The following NETO1 variants were observed in gnomAD, a reference collection of about 807,000 sequenced individuals.
NETO1 encodes neuropilin and tolloid like 1.
In NETO1, 26 loss-of-function variants were observed where a neutral mutation model predicts 61.3. That is an observed-to-expected ratio of 0.42 (90% CI 0.31 to 0.59). NETO1 has a LOEUF of 0.59. Ranked by LOEUF, NETO1 falls within the 20% of genes least tolerant of loss-of-function variation. The pLI, the probability that NETO1 is intolerant of heterozygous loss-of-function variation, is 0.12. For synonymous variants in NETO1, 225 were observed against 225.8 expected, an observed-to-expected ratio of 1.00 and a Z score of 0.03; for missense variants, 531 against 662.8, an observed-to-expected ratio of 0.80 and a Z score of 2.18.
chr18:72,750,524 G>A lies in NETO1; in HGVS notation c.1079C>T (p.Ser360Phe). 1 of 1,614,032 alleles carries A rather than the reference G, an allele frequency of 6.2e-7. No homozygotes were observed. Among genetic ancestry groups the A allele is most frequent in the Non-Finnish European group, 8.5e-7 (1 of 1,179,984 alleles). Residue 360 changes from serine (S) to phenylalanine (F), a missense_variant, in exon 9 of 11, where the codon TCT becomes TTT. By Grantham distance (155) the Ser-to-Phe change is radical. Coordinates refer to ENST00000327305, the MANE Select transcript of NETO1 (RefSeq NM_138966.5). Reference sequence around the variant, plus strand: ...AGGCTGTTTGATCTGTACGATGACAGAGATGATAATGAGGATGATCACGAT... The same window carrying A: ...AGGCTGTTTGATCTGTACGATGACAAAGATGATAATGAGGATGATCACGAT... ...SCIVIILIII[S>F]VIVQIKQPRK...
intron 3 of NETO1, among the ~76,000 whole-genome samples, chr18:72,860,306 C>G (rs1321980630): frequency 6.6e-6 from 1 of 152,174 alleles, no homozygotes; most frequent in Non-Finnish European, 1.5e-5. Context: ...CGGGCCTGCT[C>G]CCTCTACGGT....
Position 72,783,769 on chromosome 18 carries a change from C to T in NETO1, c.777G>A (p.Met259Ile). ...GGATCACCCCAAGACCCGTGCGTAG[C>T]ATGACATCATTAGCCACAGTGCTAC... ...KFCSTVANDV[M>I]LRTGLGVIRM... Residue 259 changes from methionine to isoleucine, a missense_variant, in exon 7 of 11, where the codon ATG becomes ATA. Met to Ile is a conservative substitution (Grantham distance 10). Coordinates refer to ENST00000327305, the MANE Select transcript of NETO1 (RefSeq NM_138966.5). The T allele has an allele frequency of 3.7e-6, 6 of 1,614,202 alleles. No homozygotes were observed. The highest frequency in any genetic ancestry group is 5.1e-6 in the Non-Finnish European group (6 of 1,180,032).
intron 4 of NETO1, among the ~76,000 whole-genome samples, chr18:72,831,320 C>T (rs943796653): frequency 2.0e-5 from 3 of 152,306 alleles, no homozygotes; most frequent in African/African-American, 7.2e-5. Flanking sequence ...TGAAAATGAT[C>T]TATTTCTTCA....
chr18:72,859,179 T>C, intron 3 of NETO1, 105 bp from the exon 4 acceptor site: 1 of 1,052,250 alleles, frequency 9.5e-7, no homozygotes, highest in Non-Finnish European at 1.4e-6. Context: ...TCTCAAACTT[T>C]ATGGATGATA....
intron 4 of NETO1, among the ~76,000 whole-genome samples, chr18:72,814,938 A>C (rs933634572): frequency 6.6e-6 from 1 of 151,982 alleles, no homozygotes; most frequent in Non-Finnish European, 1.5e-5. Flanking sequence ...AAAGAAAAAA[A>C]AATTTAAAAT....
At chr18:72,838,295 C>T (rs17795462) in intron 4 of NETO1, among the ~76,000 whole-genome samples, 42,666 of 152,124 alleles carry the variant, frequency 0.28, 7,118 homozygotes, top group South Asian at 0.4. Flanking sequence ...ATTTACATCA[C>T]GGTTCTCACT....
intron 4 of NETO1, among the ~76,000 whole-genome samples, chr18:72,812,611 T>C (rs2072904005): frequency 6.6e-6 from 1 of 152,144 alleles, no homozygotes; most frequent in South Asian, 2.1e-4. Context: ...CAATTCCTGG[T>C]ATATTTTCTT....
At chr18:72,858,792 G>A (rs757214153) in intron 4 of NETO1, 34 bp downstream of exon 4, 2 of 1,557,950 alleles carry the variant, frequency 1.3e-6, no homozygotes, top group East Asian at 2.2e-5. Flanking sequence ...AAATGAGGAA[G>A]AAAAAGAAAT....
At chr18:72,758,944 ATAT>A (rs1357209631) in intron 7 of NETO1, among the ~76,000 whole-genome samples, 4 of 152,290 alleles carry the variant, frequency 2.6e-5, no homozygotes, top group African/African-American at 7.2e-5. Flanking sequence ...CCAAAGTATA[ATAT>A]TATATTGGGT....
At chr18:72,777,905 C>T (rs995928069) in intron 7 of NETO1, among the ~76,000 whole-genome samples, 1 of 152,106 alleles carries the variant, frequency 6.6e-6, no homozygotes, top group African/African-American at 2.4e-5. Flanking sequence ...TGGGGTGGCC[C>T]CACCCCATGA....
intron 7 of NETO1, among the ~76,000 whole-genome samples, chr18:72,767,715 TA>T (rs1229631068): frequency 9.2e-5 from 14 of 151,516 alleles, no homozygotes; most frequent in African/African-American, 1.5e-4. Context: ...TCAAAAGCTT[TA>T]AAAAAAACAG....
At chr18:72,761,990 C>T (rs1905559) in intron 7 of NETO1, among the ~76,000 whole-genome samples, 54,045 of 151,836 alleles carry the variant, frequency 0.36, 10,196 homozygotes, top group African/African-American at 0.46. Context: ...TTGTTTAATC[C>T]AAATATTTCC....
chr18:72,814,614 T>C (rs2072971751), intron 4 of NETO1, among the ~76,000 whole-genome samples: 1 of 152,088 alleles, frequency 6.6e-6, no homozygotes, highest in South Asian at 2.1e-4. Flanking sequence ...TAATAATGTG[T>C]TGCTCCTAAG....
intron 4 of NETO1, among the ~76,000 whole-genome samples, chr18:72,824,173 T>G (rs563933176): frequency 6.6e-6 from 1 of 152,334 alleles, no homozygotes; most frequent in East Asian, 1.9e-4. Flanking sequence ...GCCGGGTTTT[T>G]GTTTGTTTGT....
Position 72,847,134 on chromosome 18 carries a change from T to C in NETO1, c.469+11692A>G, listed in dbSNP as rs150080593. Among the ~76,000 whole-genome samples the C allele has an allele frequency of 2.1e-3, 327 of 152,298 alleles. 2 individuals carry two copies. The highest frequency in any genetic ancestry group is 6.2e-3 in the African/African-American group (259 of 41,566). ...CCAGGGAATAGAACAGTCTTCTGAT[T>C]TGGGGTATGATGAATAGAAAACAGA... On this transcript the variant is annotated intron_variant, in intron 4 of 10. Coordinates refer to ENST00000327305, the MANE Select transcript of NETO1 (RefSeq NM_138966.5).
intron 4 of NETO1, among the ~76,000 whole-genome samples, chr18:72,854,770 C>T (rs1041442835): frequency 3.3e-5 from 5 of 150,714 alleles, no homozygotes; most frequent in Non-Finnish European, 6.0e-5. Context: ...ATAGTCTTTT[C>T]TATTTTTTTG....
At chr18:72,795,551 C>T (rs2072282400) in intron 4 of NETO1, among the ~76,000 whole-genome samples, 1 of 152,036 alleles carries the variant, frequency 6.6e-6, no homozygotes, top group South Asian at 2.1e-4. Context: ...GTAACTTATT[C>T]TCCATAAGTT....
At chr18:72,766,749 A>G (rs1464483573) in intron 7 of NETO1, among the ~76,000 whole-genome samples, 1 of 151,862 alleles carries the variant, frequency 6.6e-6, no homozygotes, top group African/African-American at 2.4e-5. Context: ...ACATTAAGAA[A>G]CACATCTTCA....
chr18:72,846,504 CAAAAAAAAAAAAAAAA>C (rs35252443), intron 4 of NETO1, among the ~76,000 whole-genome samples: 3 of 13,004 alleles, frequency 2.3e-4, no homozygotes, highest in South Asian at 5.3e-3. Flanking sequence ...GACTTCATCT[CAAAAAAAAAAAAAAAA>C]AAAAAAAAAA....
Sources: gnomAD v4.1 joint callset for allele counts (sites outside exome capture counted in the v4.1 genomes callset) on GRCh38, gnomAD v4.1.1 for gene constraint, MANE v1.5 for transcripts, NCBI Gene and HGNC (gene_info 2026-07-23, HGNC 2026-07-21) for gene names.